Variants in PCGF6 observed in about 807,000 individuals in gnomAD.
The protein encoded by PCGF6 is polycomb group RING finger protein 6.
In PCGF6, 24 loss-of-function variants were observed where a neutral mutation model predicts 45.5. The ratio of observed to expected loss-of-function variants is 0.53; its 90% CI spans 0.38 to 0.74. The LOEUF is 0.74. PCGF6 is among the 30% of genes least tolerant of loss of function. PCGF6 has a pLI of 0.00. For synonymous variants in PCGF6, 152 were observed against 162.1 expected (o/e 0.94, Z 0.47); for missense variants, 356 against 443.2 (o/e 0.80, Z 1.77).
intron 3 of PCGF6, 114 bp downstream of exon 3, chr10:103,348,602 G>A (rs1592080073): frequency 1.3e-6 from 1 of 788,026 alleles, no homozygotes; most frequent in Non-Finnish European, 1.9e-6. Flanking sequence ...TGGGATTATG[G>A]CATTAGCCAC....
intron 6 of PCGF6, among the ~76,000 whole-genome samples, chr10:103,341,395 T>A (rs2093280200): frequency 6.6e-6 from 1 of 151,438 alleles, no homozygotes; most frequent in Admixed American, 6.6e-5. Context: ...TAGGTAGGAC[T>A]AAAGGCGCGC....
chr10:103,351,012 C>A lies in PCGF6; in HGVS notation c.55G>T (p.Gly19Ter). Reference sequence around the variant, plus strand: ...GGCGGAGGCGGCAAGGCTGCAGCTCCCTCGGTTTTGGCAGCGCCTACGCTG... The same window carrying A: ...GGCGGAGGCGGCAAGGCTGCAGCTCACTCGGTTTTGGCAGCGCCTACGCTG... ...AGSVGAAKTE[G>*]AAALPPPPPV... The change falls in exon 1 of 10, where the codon GGA becomes TGA. Residue 19 changes from glycine to a stop codon, truncating the protein, a stop_gained. Coordinates refer to ENST00000369847, the MANE Select transcript of PCGF6 (RefSeq NM_001011663.2). LOFTEE classifies it high-confidence loss of function. 2 of 1,424,884 alleles carry A rather than the reference C, an allele frequency of 1.4e-6. No homozygotes were observed. The highest frequency in any genetic ancestry group is 1.8e-6 in the Non-Finnish European group (2 of 1,090,482). The allele number at this position is 1,424,884 out of a possible 1,614,324, so 88.3% of individuals were successfully genotyped here. A position where few individuals can be genotyped will look rare whatever the true frequency, so the allele number is the denominator to read the frequency against.
chr10:103,314,361 C>T, intron 8 of PCGF6, 89 bp from the exon 9 acceptor site: 1 of 813,516 alleles, frequency 1.2e-6, no homozygotes, highest in Non-Finnish European at 2.0e-6. Flanking sequence ...TAAATTGTTT[C>T]CAAACTAGAT....
chr10:103,335,455 G>A (rs902268840), intron 6 of PCGF6, among the ~76,000 whole-genome samples: 3 of 151,400 alleles, frequency 2.0e-5, no homozygotes, highest in African/African-American at 4.9e-5. Flanking sequence ...TCTGCCTCCC[G>A]GGTTCAAGCG....
chr10:103,316,246 T>C (rs1047432074), intron 8 of PCGF6, among the ~76,000 whole-genome samples: 5 of 152,112 alleles, frequency 3.3e-5, no homozygotes, highest in Admixed American at 2.0e-4. Context: ...CTACTGCCCA[T>C]AGACTTAAAC....
rs200373033 is a variant in PCGF6 at position 103,342,233 on chromosome 10, CT to C, written c.782+2790del. Among the ~76,000 whole-genome samples, 317 of 138,768 alleles carry C rather than the reference CT, an allele frequency of 2.3e-3. 2 individuals are homozygous for C. The highest frequency in any genetic ancestry group is 8.1e-3 in the Middle Eastern group (2 of 248). 91.0% of individuals were successfully genotyped at this position (138,768 alleles called of 152,430 possible). ...TTAAGAGTGAGCCACTGCACCCGGA[CT>C]TTTTTTTTTTTTCCTTCAGACAGAG... On this transcript the variant is annotated intron_variant, in intron 6 of 9. Transcript: ENST00000369847.
At chr10:103,305,642 G>C (rs908330390) in intron 9 of PCGF6, among the ~76,000 whole-genome samples, 4 of 152,140 alleles carry the variant, frequency 2.6e-5, no homozygotes, top group African/African-American at 9.7e-5. Context: ...ACGCATCGCA[G>C]ATCTGTTCAC....
intron 9 of PCGF6, chr10:103,312,550 C>T (rs996415885): frequency 1.3e-5 from 2 of 153,362 alleles, no homozygotes; most frequent in Admixed American, 6.5e-5. Flanking sequence ...GTGTGCCACT[C>T]ACAGCAGAAG....
At position 103,350,968 on chromosome 10, in the gene PCGF6, G is replaced by A. The variant is rs2093319124; in HGVS notation, c.99C>T (p.Ala33=). ...CACCCGCTGCGGGTGCAGGGGTGAGGGCGGGCGGGGAGACAGGAGGCGGAG... is the reference window on the plus strand; with the variant it reads ...CACCCGCTGCGGGTGCAGGGGTGAGAGCGGGCGGGGAGACAGGAGGCGGAG... ...LPPPPPVSPP[A]LTPAPAAGEE... is the part of the protein sequence containing the mutation. Residue 33 remains alanine (A), a synonymous_variant, in exon 1 of 10, where the codon GCC becomes GCT. Transcript: ENST00000369847. The A allele has an allele frequency of 1.4e-6, 2 of 1,437,490 alleles. No homozygotes were observed. The highest frequency in any genetic ancestry group is 5.6e-5 in the Admixed American group (2 of 35,594). The allele number at this position is 1,437,490 out of a possible 1,614,324, so 89.0% of individuals were successfully genotyped here. A position where few individuals can be genotyped will look rare whatever the true frequency, so the allele number is the denominator to read the frequency against.
chr10:103,336,995 T>C (rs1006469509), intron 6 of PCGF6, among the ~76,000 whole-genome samples: 3 of 152,222 alleles, frequency 2.0e-5, no homozygotes, highest in Admixed American at 1.3e-4. Context: ...TTCTTTTATT[T>C]GGTAACCCTT....
intron 1 of PCGF6, 133 bp downstream of exon 1, chr10:103,350,574 G>A: frequency 1.1e-6 from 1 of 886,606 alleles, no homozygotes; most frequent in Admixed American, 4.0e-5. Flanking sequence ...CGGGGCAGAG[G>A]TCGGGGGAGG....
intron 7 of PCGF6, among the ~76,000 whole-genome samples, chr10:103,330,178 A>C (rs1015319171): frequency 6.6e-6 from 1 of 151,514 alleles, no homozygotes; most frequent in Non-Finnish European, 1.5e-5. Flanking sequence ...GGGTTCAAGC[A>C]ATTCTCCTGC....
intron 8 of PCGF6, 61 bp from the exon 9 acceptor site, chr10:103,314,333 G>T: frequency 1.0e-6 from 1 of 981,274 alleles, no homozygotes; most frequent in South Asian, 1.5e-5. Flanking sequence ...CTGAAGAAAT[G>T]AGGAAAACAA....
At chr10:103,341,135 A>G (rs2093279043) in intron 6 of PCGF6, among the ~76,000 whole-genome samples, 1 of 151,964 alleles carries the variant, frequency 6.6e-6, no homozygotes, top group Non-Finnish European at 1.5e-5. Flanking sequence ...AGGCTGAGGC[A>G]GGAGAATCGC....
rs1385867593 is a variant in PCGF6, at chr10:103,336,837, T to C, written c.783-2885A>G. 2.0e-5 allele frequency among the ~76,000 whole-genome samples: 3 copies of C among 152,120 alleles called. No homozygotes were observed. The East Asian group carries it at 5.8e-4, about 29-fold the overall frequency. ...TTGCAGTGAGCCGAGGTCGTGCCAC[T>C]GCACTCCAGCCTGGGTGACAGAGCC... On this transcript the variant is annotated intron_variant, in intron 6 of 9. Coordinates refer to ENST00000369847, the MANE Select transcript of PCGF6 (RefSeq NM_001011663.2).
chr10:103,335,864 G>A (rs569262389), intron 6 of PCGF6, among the ~76,000 whole-genome samples: 106 of 152,254 alleles, frequency 7.0e-4, no homozygotes, highest in African/African-American at 2.0e-3. Context: ...CTACTCGGGA[G>A]GCTGAGGCAG....
intron 7 of PCGF6, among the ~76,000 whole-genome samples, chr10:103,328,112 A>T (rs567572731): frequency 6.6e-6 from 1 of 152,304 alleles, no homozygotes; most frequent in South Asian, 2.1e-4. Context: ...ATGCTTACCC[A>T]GCTCCGATCT....
intron 8 of PCGF6, among the ~76,000 whole-genome samples, chr10:103,326,333 G>A (rs1458387712): frequency 6.7e-6 from 1 of 148,230 alleles, no homozygotes; most frequent in African/African-American, 2.5e-5. Context: ...AGCTTGCAGT[G>A]AGCTGAGATC....
At chr10:103,321,398 A>G (rs1423676175) in intron 8 of PCGF6, among the ~76,000 whole-genome samples, 2 of 152,186 alleles carry the variant, frequency 1.3e-5, no homozygotes, top group African/African-American at 4.8e-5. Context: ...GAAATACTGT[A>G]CAAGATGGTG....
Sources: allele counts gnomAD v4.1 joint callset (sites outside exome capture counted in the v4.1 genomes callset), GRCh38; gene constraint gnomAD v4.1.1; transcripts MANE v1.5; gene names NCBI Gene and HGNC (gene_info 2026-07-23, HGNC 2026-07-21).